STIM2: variants seen among roughly 807,000 people sequenced by gnomAD.
STIM2 encodes stromal interaction molecule 2.
Under a neutral mutation model 85.8 loss-of-function variants are expected in STIM2, and 31 were observed. That is an observed-to-expected ratio of 0.36 (90% confidence interval 0.27 to 0.49). STIM2 has a LOEUF of 0.49. Ranked by LOEUF, STIM2 falls within the 20% of genes least tolerant of loss-of-function variation. STIM2 has a pLI of 0.98. For synonymous variants in STIM2, 356 were observed against 331.1 expected, an observed-to-expected ratio of 1.08 and a Z score of -0.82; for missense variants, 841 against 927.6, an observed-to-expected ratio of 0.91 and a Z score of 1.21.
chr4:26,919,443 C>T (rs1043583587), intron 1 of STIM2, 61 bp from the exon 2 acceptor site: 54 of 1,599,480 alleles, frequency 3.4e-5, no homozygotes, highest in African/African-American at 2.2e-4. Context: ...AAATTATACT[C>T]TCTAACTATA....
At chr4:26,951,074 A>G (rs1363821063) in intron 2 of STIM2, among the ~76,000 whole-genome samples, 3 of 152,054 alleles carry the variant, frequency 2.0e-5, no homozygotes, top group Non-Finnish European at 4.4e-5. Context: ...CTGCTTTTAC[A>G]TTTTGCCCTG....
chr4:26,874,891 A>G (rs1722761305), intron 1 of STIM2, among the ~76,000 whole-genome samples: 1 of 152,208 alleles, frequency 6.6e-6, no homozygotes, highest in South Asian at 2.1e-4. Flanking sequence ...CTGCTGTCAT[A>G]ATTTTACTTT....
At chr4:26,893,432 TTG>T (rs1723572271) in intron 1 of STIM2, among the ~76,000 whole-genome samples, 1 of 152,366 alleles carries the variant, frequency 6.6e-6, no homozygotes, top group African/African-American at 2.4e-5. Context: ...TATGTGCTTT[TTG>T]CCTGTCTTGC....
At chr4:26,995,320 A>G (rs1458553661) in intron 3 of STIM2, 59 bp from the exon 4 acceptor site, 7 of 859,178 alleles carry the variant, frequency 8.1e-6, no homozygotes, top group Non-Finnish European at 1.2e-5. Context: ...AAATTATAGA[A>G]TATGTATTTC....
At chr4:26,904,313 C>T (rs999076705) in intron 1 of STIM2, among the ~76,000 whole-genome samples, 1 of 151,946 alleles carries the variant, frequency 6.6e-6, no homozygotes, top group South Asian at 2.1e-4. Flanking sequence ...TTAAAGTGTA[C>T]AATTTGCTAA....
chr4:26,916,140 G>GA (rs1724570350), intron 1 of STIM2, among the ~76,000 whole-genome samples: 2 of 152,282 alleles, frequency 1.3e-5, no homozygotes, highest in South Asian at 4.1e-4. Flanking sequence ...CACATGTGCT[G>GA]AATTAACTAG....
rs554937717 is a variant in STIM2 at position 26,879,432 on chromosome 4, C to T, written c.151+18063C>T. The stretch of plus-strand genomic sequence containing the variant: ...TGGGATATTATACCATTTCTTTTAT[C>T]TGCTTGTCTATTCAATTACAAAACA... On this transcript the variant is annotated intron_variant, in intron 1 of 11. Transcript: ENST00000467087. 8.6e-5 allele frequency among the ~76,000 whole-genome samples: 13 copies of T among 151,604 alleles called. No individual in the cohort carries two copies. The East Asian group carries it at 2.3e-3, about 27-fold the overall frequency.
chr4:26,944,609 A>G (rs553656675), intron 2 of STIM2, among the ~76,000 whole-genome samples: 1 of 152,212 alleles, frequency 6.6e-6, no homozygotes, highest in African/African-American at 2.4e-5. Flanking sequence ...ATTAAGAGTG[A>G]CAAGATACCA....
intron 11 of STIM2, among the ~76,000 whole-genome samples, chr4:27,022,309 G>A (rs897194691): frequency 6.6e-6 from 1 of 152,018 alleles, no homozygotes; most frequent in African/African-American, 2.4e-5. Context: ...TCTTTATTAT[G>A]GTTTATGTTA....
intron 1 of STIM2, among the ~76,000 whole-genome samples, chr4:26,889,867 A>G (rs1007097471): frequency 6.6e-6 from 1 of 152,194 alleles, no homozygotes; most frequent in Non-Finnish European, 1.5e-5. Context: ...TTCACGTGGG[A>G]CACAGATTCC....
At chr4:26,884,391 CTG>C (rs1203269090) in intron 1 of STIM2, among the ~76,000 whole-genome samples, 1 of 152,196 alleles carries the variant, frequency 6.6e-6, no homozygotes. Flanking sequence ...AAAGCATTAG[CTG>C]TTACTGTATT....
chr4:26,875,999 T>C (rs1198274069), intron 1 of STIM2, among the ~76,000 whole-genome samples: 1 of 152,282 alleles, frequency 6.6e-6, no homozygotes, highest in Middle Eastern at 3.4e-3. Context: ...TTTTCGCTTG[T>C]AGTATATAGT....
chr4:26,898,420 G>A (rs536831558), intron 1 of STIM2, among the ~76,000 whole-genome samples: 2 of 152,188 alleles, frequency 1.3e-5, no homozygotes, highest in South Asian at 4.2e-4. Context: ...GTGGGTTCAG[G>A]TATTGTCAAC....
chr4:26,868,865 TATTC>T (rs1315420854), intron 1 of STIM2, among the ~76,000 whole-genome samples: 3 of 152,198 alleles, frequency 2.0e-5, no homozygotes, highest in Non-Finnish European at 4.4e-5. Context: ...TTGCCACACA[TATTC>T]AGACTGTATT....
intron 1 of STIM2, chr4:26,873,736 T>A: frequency 1.1e-6 from 1 of 878,860 alleles, no homozygotes; most frequent in Non-Finnish European, 1.9e-6. Context: ...AATTTCTGCC[T>A]CCACAGGCTC....
At position 27,023,874 on chromosome 4, in the gene STIM2, A is replaced by T. The variant is rs1409358790; in HGVS notation, c.*878A>T. 2.0e-5 allele frequency: 3 copies of T among 152,632 alleles called. No individual in the cohort carries two copies. Among genetic ancestry groups the T allele is most frequent in the African/African-American group, 7.2e-5 (3 of 41,446 alleles). The allele number at this position is 152,632 out of a possible 1,614,324, so 9.5% of individuals were successfully genotyped here. A position where few individuals can be genotyped will look rare whatever the true frequency, so the allele number is the denominator to read the frequency against. On this transcript the variant is annotated 3_prime_UTR_variant, in exon 12 of 12. Transcript: ENST00000467087. ...GGTGGGGGGATATGGGGATTCAGGCAATTGTTTACACACTTTGAATAACTG... is the reference window on the plus strand; with the variant it reads ...GGTGGGGGGATATGGGGATTCAGGCTATTGTTTACACACTTTGAATAACTG...
chr4:26,903,568 A>G (rs1724007483), intron 1 of STIM2, among the ~76,000 whole-genome samples: 1 of 152,226 alleles, frequency 6.6e-6, no homozygotes, highest in African/African-American at 2.4e-5. Flanking sequence ...AGAGCATAAA[A>G]TTATAAAAAG....
At chr4:26,987,454 C>T (rs1727619567) in intron 3 of STIM2, among the ~76,000 whole-genome samples, 1 of 152,090 alleles carries the variant, frequency 6.6e-6, no homozygotes, top group African/African-American at 2.4e-5. Context: ...TGTGAAAATC[C>T]ACAAATGTAT....
chr4:26,979,401 A>G (rs762206120), intron 3 of STIM2, among the ~76,000 whole-genome samples: 3 of 152,220 alleles, frequency 2.0e-5, no homozygotes, highest in Non-Finnish European at 4.4e-5. Context: ...CACTCTCAAA[A>G]GAGAAATAGT....
Sources: gnomAD v4.1 joint callset for allele counts (sites outside exome capture counted in the v4.1 genomes callset) on GRCh38, gnomAD v4.1.1 for gene constraint, MANE v1.5 for transcripts, NCBI Gene and HGNC (gene_info 2026-07-23, HGNC 2026-07-21) for gene names.